OAS3: variants seen among roughly 807,000 people sequenced by gnomAD.
The protein encoded by OAS3 is 2'-5'-oligoadenylate synthetase 3, also known as 2'-5'-oligoadenylate synthase 3.
A neutral mutation model predicts 113.0 loss-of-function variants in OAS3; 107 were observed. That is an observed-to-expected ratio of 0.95 (90% CI 0.81 to 1.11). The LOEUF (loss-of-function observed/expected upper bound fraction) is 1.11, where lower values mean the gene tolerates loss of function less well. OAS3 is among the 50% of genes most tolerant of loss of function. OAS3 has a pLI of 0.00. For synonymous variants in OAS3, 552 were observed against 573.6 expected, an observed-to-expected ratio of 0.96 and a Z score of 0.54; for missense variants, 1,258 against 1,389.1, an observed-to-expected ratio of 0.91 and a Z score of 1.50.
At position 112,963,327 on chromosome 12, in the gene OAS3, A is replaced by G. The variant is rs775641113; in HGVS notation, c.2099A>G (p.Asp700Gly). The change falls in exon 10 of 16, where the codon GAC becomes GGC. Residue 700 changes from aspartate to glycine, a missense_variant. Coordinates refer to ENST00000228928, the MANE Select transcript of OAS3 (RefSeq NM_006187.4). This position sits in a 1 kb window ranked among gnomAD's most constrained non-coding sequence, Gnocchi z 4.6. ...TGTGCCCCCAGACCCCTGGTCCTGGACCCCGCTGATCCCACCTGGAACGTG... is the reference window on the plus strand; with the variant it reads ...TGTGCCCCCAGACCCCTGGTCCTGGGCCCCGCTGATCCCACCTGGAACGTG... ...QLRKPRPLVL[D>G]PADPTWNVGH... 1 of 1,575,772 alleles carries G rather than the reference A, an allele frequency of 6.3e-7. No homozygotes were observed. The highest frequency in any genetic ancestry group is 8.6e-7 in the Non-Finnish European group (1 of 1,160,062).
In OAS3 at chr12:112,938,722, C is replaced by T; in HGVS notation, c.177+15C>T. 2.7e-6 allele frequency: 4 copies of T among 1,502,634 alleles called. No homozygotes were observed. The highest frequency in any genetic ancestry group is 2.5e-5 in the South Asian group (2 of 80,758). 93.1% of individuals were successfully genotyped at this position (1,502,634 alleles called of 1,614,324 possible). A position where few individuals can be genotyped will look rare whatever the true frequency, so the allele number is the denominator to read the frequency against. On this transcript the variant is annotated intron_variant, in intron 1 of 15. Coordinates refer to ENST00000228928, the MANE Select transcript of OAS3 (RefSeq NM_006187.4). ...AAACTGTCAAGGTGAGGTCCCACCT[C>T]GGGGTCTTTATGTGTCCAAAGGGGA... is the stretch of plus-strand genomic sequence containing the variant.
In OAS3 at chr12:112,970,711, G is replaced by A. The variant is rs180794522; in HGVS notation, c.*738G>A. The stretch of plus-strand genomic sequence containing the variant: ...GCTAGCAGGAGAGCATGCCCATATT[G>A]GCTTACTTTGTCTGCCACAGACACA... On this transcript the variant is annotated 3_prime_UTR_variant, in exon 16 of 16. Coordinates refer to ENST00000228928, the MANE Select transcript of OAS3 (RefSeq NM_006187.4). The A allele has an allele frequency of 2.9e-4, 44 of 152,452 alleles. No individual in the cohort carries two copies. The highest frequency in any genetic ancestry group is 2.6e-3 in the Admixed American group (40 of 15,304). The allele number at this position is 152,452 out of a possible 1,614,324, so 9.4% of individuals were successfully genotyped here. A position where few individuals can be genotyped will look rare whatever the true frequency, so the allele number is the denominator to read the frequency against.
At position 112,961,243 on chromosome 12, in the gene OAS3, C is replaced by T; in HGVS notation, c.1830C>T (p.Arg610=). ...NLILLVKHWY[R]QVAAQNKGKG... Reference sequence around the variant, plus strand: ...TTCTGCTGGTGAAGCACTGGTACCGCCAGGTGAGTTGCCCCTGGCTCCTCC... The same window carrying T: ...TTCTGCTGGTGAAGCACTGGTACCGTCAGGTGAGTTGCCCCTGGCTCCTCC... The change falls in exon 8 of 16, where the codon CGC becomes CGT. Residue 610 remains arginine, a synonymous_variant. Transcript: ENST00000228928. The T allele has an allele frequency of 1.2e-6, 2 of 1,613,368 alleles. No individual in the cohort carries two copies. The highest frequency in any genetic ancestry group is 1.7e-6 in the Non-Finnish European group (2 of 1,179,466).
In OAS3 at chr12:112,969,456, C is replaced by T. The variant is rs1052499975; in HGVS notation, c.3105-152C>T. On this transcript the variant is annotated intron_variant, in intron 14 of 15. Coordinates refer to ENST00000228928, the MANE Select transcript of OAS3 (RefSeq NM_006187.4). ...ATGTGTGTCTTATTTTCTATACCTGCCCTGTAGTGTATAGGAGCACTGAGG... is the reference window on the plus strand; with the variant it reads ...ATGTGTGTCTTATTTTCTATACCTGTCCTGTAGTGTATAGGAGCACTGAGG... The T allele has an allele frequency of 6.0e-6, 5 of 827,330 alleles. No homozygotes were observed. In the Admixed American group the frequency reaches 8.9e-5, roughly 15 times the overall value. The allele number at this position is 827,330 out of a possible 1,614,324, so 51.2% of individuals were successfully genotyped here.
At chr12:112,964,459 T>C in intron 11 of OAS3, 51 bp downstream of exon 11, 2 of 1,565,824 alleles carry the variant, frequency 1.3e-6, no homozygotes, top group Non-Finnish European at 1.7e-6. Flanking sequence ...GCTGGTGATC[T>C]CTCCCAGCCC....
intron 11 of OAS3, 64 bp downstream of exon 11, chr12:112,964,472 G>A (rs2043917224): frequency 1.3e-6 from 2 of 1,533,062 alleles, no homozygotes; most frequent in Non-Finnish European, 1.8e-6. Context: ...CCCAGCCCAG[G>A]GCCAGGCTTG....
intron 7 of OAS3, among the ~76,000 whole-genome samples, chr12:112,956,826 G>A (rs906692791): frequency 6.6e-6 from 1 of 152,196 alleles, no homozygotes; most frequent in Non-Finnish European, 1.5e-5. Context: ...GATTTGGGGT[G>A]GACAGTTCTG....
rs2043686790 is a variant in OAS3 at position 112,942,169 on chromosome 12, G to A, written c.460+317G>A. ...CAAATACTCCCGAAAGCTAAGCCAA[G>A]TGGACATGTGGCTAGCAGTAGGGGC... On this transcript the variant is annotated intron_variant, in intron 2 of 15. Transcript: ENST00000228928. 7.4e-6 allele frequency: 4 copies of A among 540,946 alleles called. No homozygotes were observed. The East Asian group carries it at 1.1e-4, about 15-fold the overall frequency. 33.5% of individuals were successfully genotyped at this position (540,946 alleles called of 1,614,324 possible).
Position 112,943,715 on chromosome 12 carries a change from A to T in OAS3, c.461-761A>T, listed in dbSNP as rs555342558. ...CCAGTGCCCAGTATGCAGTAAAAAAAATATATATTTTTTTCTAAGACAGAG... is the reference window on the plus strand; with the variant it reads ...CCAGTGCCCAGTATGCAGTAAAAAATATATATATTTTTTTCTAAGACAGAG... On this transcript the variant is annotated intron_variant, in intron 2 of 15. Transcript: ENST00000228928. Among the ~76,000 whole-genome samples, 34 of 152,240 alleles carry T rather than the reference A, an allele frequency of 2.2e-4. No individual in the cohort carries two copies. In the South Asian group the frequency reaches 2.3e-3, roughly 10 times the overall value.
chr12:112,968,121 C>A lies in OAS3; in HGVS notation c.3051C>A (p.Asn1017Lys), dbSNP rs769736705. The A allele has an allele frequency of 1.2e-6, 2 of 1,613,966 alleles. No individual in the cohort carries two copies. Among genetic ancestry groups the A allele is most frequent in the Non-Finnish European group, 1.7e-6 (2 of 1,179,872 alleles). The change falls in exon 14 of 16, where the codon AAC becomes AAA. Residue 1017 changes from asparagine (N) to lysine (K), a missense_variant. Coordinates refer to ENST00000228928, the MANE Select transcript of OAS3 (RefSeq NM_006187.4). ...GTATCTACTGGACCATCAACTACAA[C>A]GCCAAGGACAAGACTGTTGGAGACT... The part of the protein sequence containing the change: ...QLCIYWTINY[N>K]AKDKTVGDFL...
chr12:112,963,284 C>T lies in OAS3; in HGVS notation c.2085-29C>T, dbSNP rs759589892. 5.8e-6 allele frequency: 9 copies of T among 1,546,966 alleles called. No individual in the cohort carries two copies. Among genetic ancestry groups the T allele is most frequent in the African/African-American group, 1.4e-5 (1 of 72,718 alleles). ...CTCCTCTTTCACTGACTCCCACCTT[C>T]CCCACCCACCTTCCTGCTGTGCCCC... On this transcript the variant is annotated intron_variant, in intron 9 of 15. Coordinates refer to ENST00000228928, the MANE Select transcript of OAS3 (RefSeq NM_006187.4). The surrounding 1 kb of genome is among the most constrained non-coding windows in gnomAD (Gnocchi z 4.6).
intron 2 of OAS3, among the ~76,000 whole-genome samples, chr12:112,943,857 G>A (rs749799225): frequency 6.6e-6 from 1 of 152,154 alleles, no homozygotes; most frequent in Non-Finnish European, 1.5e-5. Context: ...GGGATTACAG[G>A]CGAGTGCCAA....
At chr12:112,944,334 C>T in intron 2 of OAS3, 142 bp from the exon 3 acceptor site, 1 of 821,996 alleles carries the variant, frequency 1.2e-6, no homozygotes, top group Non-Finnish European at 1.9e-6. Context: ...TCCCAGTCCC[C>T]CGACTCCCAT....
intron 12 of OAS3, among the ~76,000 whole-genome samples, chr12:112,967,137 G>A (rs149749335): frequency 6.6e-6 from 1 of 152,356 alleles, no homozygotes; most frequent in East Asian, 1.9e-4. Context: ...TATTAGAGAG[G>A]TGTTAAAGAC....
At position 112,964,368 on chromosome 12, in the gene OAS3, G is replaced by C. The variant is rs759008859; in HGVS notation, c.2363G>C (p.Cys788Ser). ...ATCTGTTCATTTTTGAAGGAAAACT[G>C]CTTCCGGAATTCTCCCATCAAAGTG... is the stretch of plus-strand genomic sequence containing the variant. ...DTICSFLKEN[C>S]FRNSPIKVIK... is the part of the protein sequence containing the mutation. Residue 788 changes from cysteine to serine, a missense_variant, in exon 11 of 16, where the codon TGC (cysteine) becomes TCC (serine). By Grantham distance (112) the Cys-to-Ser change is moderately radical (BLOSUM62 -1). Transcript: ENST00000228928. The C allele has an allele frequency of 5.0e-6, 8 of 1,612,478 alleles. No individual in the cohort carries two copies. The South Asian group carries it at 5.5e-5, about 11-fold the overall frequency.
Position 112,967,947 on chromosome 12 carries a change from C to G in OAS3, c.2877C>G (p.Ile959Met), listed in dbSNP as rs764828431. The change falls in exon 14 of 16, where the codon ATC becomes ATG. Residue 959 changes from isoleucine to methionine, a missense_variant. Transcript: ENST00000228928. ...TTCTCGTTCTCCAGTGTACCAAGAT[C>G]TCCAAGGGGAGAGGCTCCCTACCCC... Reference protein sequence around the residue: ...VKHWYQQCTKISKGRGSLPPQ... With the variant: ...VKHWYQQCTKMSKGRGSLPPQ... 3 of 1,613,628 alleles carry G rather than the reference C, an allele frequency of 1.9e-6. No individual in the cohort carries two copies. Among genetic ancestry groups the G allele is most frequent in the Admixed American group, 3.3e-5 (2 of 59,998 alleles).
At chr12:112,947,225 T>TGTTC (rs562985362) in intron 4 of OAS3, among the ~76,000 whole-genome samples, 32 of 152,330 alleles carry the variant, frequency 2.1e-4, no homozygotes, top group African/African-American at 7.5e-4. Flanking sequence ...TGCTGATGTA[T>TGTTC]AGCAGAAAGT....
intron 7 of OAS3, among the ~76,000 whole-genome samples, chr12:112,952,778 T>A (rs2043803060): frequency 6.6e-6 from 1 of 152,232 alleles, no homozygotes; most frequent in African/African-American, 2.4e-5. Context: ...TTTTCCTTAG[T>A]TCTGCTGTCT....
Position 112,950,849 on chromosome 12 carries a change from C to G in OAS3, c.1531C>G (p.Gln511Glu), listed in dbSNP as rs1402074946. ...RAQLESWWQD[Q>E]VPSLSLQFPE... ...GCAGCTAGAATCCTGGTGGCAGGAC[C>G]AGGTGCCCAGCCTGAGCCTTCAGTT... Residue 511 changes from glutamine (Q) to glutamate (E), a missense_variant, in exon 7 of 16, where the codon CAG becomes GAG. Gln to Glu is a conservative substitution (Grantham distance 29). Transcript: ENST00000228928. 1.2e-6 allele frequency: 2 copies of G among 1,614,046 alleles called. No individual in the cohort carries two copies. The highest frequency in any genetic ancestry group is 1.7e-6 in the Non-Finnish European group (2 of 1,179,900).
Sources: allele counts gnomAD v4.1 joint callset (sites outside exome capture counted in the v4.1 genomes callset), GRCh38; gene constraint gnomAD v4.1.1; non-coding constraint Gnocchi (gnomAD v3.1); transcripts MANE v1.5; gene names NCBI Gene and HGNC (gene_info 2026-07-23, HGNC 2026-07-21).